PCDHGA4: variants seen among roughly 807,000 people sequenced by gnomAD.
The protein encoded by PCDHGA4 is protocadherin gamma-A4.
PCDHGA4 carries 38 observed loss-of-function variants against 54.6 expected under a neutral mutation model. That is an observed-to-expected ratio of 0.70 (90% CI 0.54 to 0.91). The LOEUF (loss-of-function observed/expected upper bound fraction) is 0.91. Among genes scored for constraint, PCDHGA4 ranks in the 40% least tolerant of loss-of-function variants. PCDHGA4 has a pLI of 0.00. For missense variants in PCDHGA4, 1,298 were observed against 1,220.9 expected (o/e 1.06, Z -0.94); for synonymous variants, 511 against 512.9 (o/e 1.00, Z 0.05).
intron 1 of PCDHGA4, chr5:141,414,372 A>G: frequency 1.2e-6 from 2 of 1,613,914 alleles, no homozygotes; most frequent in Non-Finnish European, 1.7e-6. Context: ...TTAAATTAGA[A>G]AAGTCCATTG....
rs2233602 is a variant in PCDHGA4, at chr5:141,490,032, C to T, written c.2515-4775C>T. 47,990 of 1,614,182 alleles carry T rather than the reference C, an allele frequency of 0.03. 1,413 individuals are homozygous for T. Among genetic ancestry groups the T allele is most frequent in the African/African-American group, 0.15 (11,444 of 75,040 alleles). On this transcript the variant is annotated intron_variant, in intron 1 of 3. Coordinates refer to ENST00000571252, the MANE Select transcript of PCDHGA4 (RefSeq NM_018917.4). The surrounding 1 kb of genome is among the most constrained non-coding windows in gnomAD (Gnocchi z 5.4). ...CCATTGGTACTCTGCTGCTCCGCCT[C>T]AATGCCACTGATCCAGACGAGGGCA...
intron 1 of PCDHGA4, chr5:141,427,328 T>G (rs951396612): frequency 1.6e-4 from 74 of 457,122 alleles, no homozygotes; most frequent in Admixed American, 1.2e-3. Context: ...TGGTTTTTAC[T>G]TCAGTGTCCA....
At chr5:141,395,896 A>C (rs1229120477) in intron 1 of PCDHGA4, 2 of 152,188 alleles carry the variant, frequency 1.3e-5, no homozygotes, top group Admixed American at 6.5e-5. Flanking sequence ...CCTGGGCTCC[A>C]TGCCCATGGA....
chr5:141,427,723 G>A, intron 1 of PCDHGA4: 1 of 1,127,490 alleles, frequency 8.9e-7, no homozygotes, highest in Non-Finnish European at 1.3e-6. Context: ...CTGGACCTAG[G>A]GCTGAATGGC....
intron 1 of PCDHGA4, chr5:141,371,522 T>C: frequency 3.1e-6 from 5 of 1,613,848 alleles, no homozygotes; most frequent in Non-Finnish European, 4.2e-6. Context: ...ATCTAGATTC[T>C]GGATTTAATG....
chr5:141,450,893 C>T (rs1306212499), intron 1 of PCDHGA4, among the ~76,000 whole-genome samples: 3 of 149,144 alleles, frequency 2.0e-5, no homozygotes, highest in East Asian at 2.0e-4. Flanking sequence ...GGTGCGATAT[C>T]GGCTCACTGC....
chr5:141,475,553 T>A (rs1159585016), intron 1 of PCDHGA4, among the ~76,000 whole-genome samples: 2 of 152,260 alleles, frequency 1.3e-5, no homozygotes, highest in Non-Finnish European at 2.9e-5. Flanking sequence ...GTCCGGCTAA[T>A]TGTCTGTCTT....
intron 2 of PCDHGA4, among the ~76,000 whole-genome samples, chr5:141,505,069 G>A (rs2099843308): frequency 2.0e-5 from 3 of 152,340 alleles, no homozygotes; most frequent in East Asian, 1.9e-4. Flanking sequence ...GACTGAGGCA[G>A]GAGAATCGCT....
chr5:141,470,680 T>C (rs1212361233), intron 1 of PCDHGA4, among the ~76,000 whole-genome samples: 1 of 152,090 alleles, frequency 6.6e-6, no homozygotes, highest in Non-Finnish European at 1.5e-5. Context: ...GCTGTTACCA[T>C]CTTGAAATTC....
chr5:141,362,237 T>C (rs1381834832), intron 1 of PCDHGA4: 3 of 1,614,026 alleles, frequency 1.9e-6, no homozygotes, highest in Non-Finnish European at 2.5e-6. Flanking sequence ...TTGATCTCAG[T>C]GCTCTTCTTC....
chr5:141,485,109 CTGTT>C lies in PCDHGA4; in HGVS notation c.2515-9695_2515-9692del. ...AGATAGGTGTCTCCAGCTGCTGTGG[CTGTT>C]TGGGGCGGGTCGGCTTCATCCGCGT... On this transcript the variant is annotated intron_variant, in intron 1 of 3. Transcript: ENST00000571252. This position sits in a 1 kb window ranked among gnomAD's most constrained non-coding sequence, Gnocchi z 5.7. 8.1e-7 allele frequency: 1 copy of C among 1,230,964 alleles called. No individual in the cohort carries two copies. Among genetic ancestry groups the C allele is most frequent in the Non-Finnish European group, 1.2e-6 (1 of 850,026 alleles). The allele number at this position is 1,230,964 out of a possible 1,614,324, so 76.3% of individuals were successfully genotyped here.
intron 1 of PCDHGA4, chr5:141,375,727 G>T (rs1771811677): frequency 6.2e-7 from 1 of 1,614,262 alleles, no homozygotes; most frequent in East Asian, 2.2e-5. Flanking sequence ...ACGTGTCACT[G>T]AGCCTGTTTG....
At chr5:141,413,234 T>C (rs2095618811) in intron 1 of PCDHGA4, 2 of 1,613,838 alleles carry the variant, frequency 1.2e-6, no homozygotes, top group Non-Finnish European at 1.7e-6. Context: ...CTGGTCCTGC[T>C]CTGCCTTTTC....
At chr5:141,390,334 A>T (rs764594293) in intron 1 of PCDHGA4, 1 of 1,597,538 alleles carries the variant, frequency 6.3e-7, no homozygotes, top group Non-Finnish European at 8.5e-7. Flanking sequence ...ATTTCTCCAT[A>T]TTCACAAGAA....
intron 1 of PCDHGA4, chr5:141,374,823 A>G (rs1770865404): frequency 1.2e-6 from 2 of 1,613,952 alleles, no homozygotes; most frequent in African/African-American, 1.3e-5. Context: ...CAGCCTGTCT[A>G]CCGTGTAAGT....
chr5:141,490,229 T>C lies in PCDHGA4; in HGVS notation c.2515-4578T>C. The C allele has an allele frequency of 6.2e-7, 1 of 1,614,198 alleles. No individual in the cohort carries two copies. Among genetic ancestry groups the C allele is most frequent in the Non-Finnish European group, 8.5e-7 (1 of 1,180,034 alleles). On this transcript the variant is annotated intron_variant, in intron 1 of 3. Coordinates refer to ENST00000571252, the MANE Select transcript of PCDHGA4 (RefSeq NM_018917.4). The surrounding 1 kb of genome is among the most constrained non-coding windows in gnomAD (Gnocchi z 5.4). ...GCCCGTGACCAGGGACAGCCTGCCA[T>C]GGAGGGCCACTGTGTGATTCAAGTG... is the stretch of plus-strand genomic sequence containing the variant.
intron 2 of PCDHGA4, among the ~76,000 whole-genome samples, chr5:141,496,189 G>T (rs1362938002): frequency 1.3e-5 from 2 of 152,004 alleles, no homozygotes; most frequent in African/African-American, 4.8e-5. Context: ...AGCCCCAGCT[G>T]CTCATTTCAA....
At chr5:141,441,494 ACCAGG>A (rs1325946941) in intron 1 of PCDHGA4, 1 of 170,360 alleles carries the variant, frequency 5.9e-6, no homozygotes, top group Non-Finnish European at 1.3e-5. Flanking sequence ...CTGGTTTTCT[ACCAGG>A]CCTCCTACGT....
intron 1 of PCDHGA4, chr5:141,360,139 A>G: frequency 6.3e-7 from 1 of 1,594,488 alleles, no homozygotes; most frequent in South Asian, 1.1e-5. Context: ...CCAGAAGATG[A>G]AAGCGAGCTC....
Sources: allele counts gnomAD v4.1 joint callset (sites outside exome capture counted in the v4.1 genomes callset), GRCh38; gene constraint gnomAD v4.1.1; non-coding constraint Gnocchi (gnomAD v3.1); transcripts MANE v1.5; gene names NCBI Gene and HGNC (gene_info 2026-07-23, HGNC 2026-07-21).